BCL2L15: variants seen among roughly 807,000 people sequenced by gnomAD.
The protein encoded by BCL2L15 is bcl-2-like protein 15.
In BCL2L15, 15 loss-of-function variants were observed where a neutral mutation model predicts 18.3. The observed-to-expected ratio is 0.82, with a 90% CI of 0.55 to 1.26. The LOEUF (loss-of-function observed/expected upper bound fraction) is 1.26. Among genes scored for constraint, BCL2L15 ranks in the 50% most tolerant of loss-of-function variants. BCL2L15 has a pLI of 0.00. For synonymous variants in BCL2L15, 58 were observed against 68.5 expected, an observed-to-expected ratio of 0.85 and a Z score of 0.76; for missense variants, 180 against 201.7, an observed-to-expected ratio of 0.89 and a Z score of 0.65.
At chr1:113,882,294 G>A (rs1185326392) in intron 2 of BCL2L15, among the ~76,000 whole-genome samples, 1 of 152,214 alleles carries the variant, frequency 6.6e-6, no homozygotes, top group Non-Finnish European at 1.5e-5. Context: ...GTATGTGATA[G>A]TCCAGCTGGT....
In BCL2L15 at chr1:113,881,954, G is replaced by A. The variant is rs758227438; in HGVS notation, c.293C>T (p.Thr98Ile). Reference protein sequence around the residue: ...LQDTVESLSKTWCAQDSSLAY... With the variant: ...LQDTVESLSKIWCAQDSSLAY... ...TAAGCTGGAATCCTGAGCACACCAG[G>A]TCTTGCTGAGAGATTCCACAGTGTC... The change falls in exon 3 of 4, where the codon ACC becomes ATC. Residue 98 changes from threonine (T) to isoleucine (I), a missense_variant. Physicochemically the swap from Thr to Ile is moderately conservative, Grantham distance 89. Coordinates refer to ENST00000393316, the MANE Select transcript of BCL2L15 (RefSeq NM_001010922.3). 6.2e-7 allele frequency: 1 copy of A among 1,614,080 alleles called. No homozygotes were observed. The highest frequency in any genetic ancestry group is 1.7e-5 in the Admixed American group (1 of 60,030).
chr1:113,887,272 C>T lies in BCL2L15; in HGVS notation c.104G>A (p.Cys35Tyr). 1.2e-6 allele frequency: 2 copies of T among 1,614,134 alleles called. No homozygotes were observed. Among genetic ancestry groups the T allele is most frequent in the Non-Finnish European group, 1.7e-6 (2 of 1,180,000 alleles). Residue 35 changes from cysteine (C) to tyrosine (Y), a missense_variant, in exon 1 of 4, where the codon TGC becomes TAC. Cys to Tyr is a radical substitution (Grantham distance 194, BLOSUM62 -2). Transcript: ENST00000393316. Reference sequence around the variant, plus strand: ...ACCTGAATCTACTTCATCTACACAGCATAGGTTCCGGCTGGCAACCTGCAA... The same window carrying T: ...ACCTGAATCTACTTCATCTACACAGTATAGGTTCCGGCTGGCAACCTGCAA... ...PTLQVASRNL[C>Y]CVDEVDSGEP...
intron 2 of BCL2L15, among the ~76,000 whole-genome samples, chr1:113,882,593 C>T (rs112726731): frequency 4.6e-5 from 7 of 152,006 alleles, no homozygotes; most frequent in Non-Finnish European, 8.8e-5. Context: ...TGAAGTGAGC[C>T]GAGATCACGC....
chr1:113,886,605 C>G lies in BCL2L15; in HGVS notation c.181G>C (p.Gly61Arg). The change falls in exon 2 of 4, where the codon GGT (glycine) becomes CGT (arginine). Residue 61 changes from glycine (G) to arginine (R), a missense_variant. Gly to Arg is a moderately radical substitution (Grantham distance 125). Coordinates refer to ENST00000393316, the MANE Select transcript of BCL2L15 (RefSeq NM_001010922.3). The part of the protein sequence containing the change: ...AIIAGRLRML[G>R]DQFNGELEAS... ...TCCAATTCTCCGTTGAACTGGTCAC[C>G]CAACATCCGAAGGCGACCAGCAATG... 1 of 1,613,832 alleles carries G rather than the reference C, an allele frequency of 6.2e-7. No individual in the cohort carries two copies. Among genetic ancestry groups the G allele is most frequent in the Non-Finnish European group, 8.5e-7 (1 of 1,179,904 alleles).
At chr1:113,881,169 C>G (rs747732832) in intron 3 of BCL2L15, 29 bp from the exon 4 acceptor site, 48 of 1,613,816 alleles carry the variant, frequency 3.0e-5, no homozygotes, top group Non-Finnish European at 3.9e-5. Flanking sequence ...ATCCTACAGT[C>G]AAAGGAATTG....
Position 113,879,221 on chromosome 1 carries a change from T to C in BCL2L15, c.*1902A>G, listed in dbSNP as rs1666801096. 6.6e-6 allele frequency: 1 copy of C among 152,352 alleles called. No individual in the cohort carries two copies. The highest frequency in any genetic ancestry group is 6.5e-5 in the Admixed American group (1 of 15,274). 9.4% of individuals were successfully genotyped at this position (152,352 alleles called of 1,614,324 possible). On this transcript the variant is annotated 3_prime_UTR_variant, in exon 4 of 4. Coordinates refer to ENST00000393316, the MANE Select transcript of BCL2L15 (RefSeq NM_001010922.3). ...TTTACTTCTCTGCATTTAGAGGAGA[T>C]ACATAGATGGCTGGCTGATAGAGGG...
chr1:113,881,742 C>T, intron 3 of BCL2L15, 31 bp downstream of exon 3: 1 of 1,604,854 alleles, frequency 6.2e-7, no homozygotes, highest in East Asian at 2.2e-5. Context: ...GTGCAAATAC[C>T]TAGCAAAACC....
Position 113,884,781 on chromosome 1 carries a change from G to GTT in BCL2L15, c.249+1754_249+1755dup, listed in dbSNP as rs546717433. The stretch of plus-strand genomic sequence containing the variant: ...TCAAATTATTTATTTATTTATTTAT[G>GTT]TTTTTTTTTTGGAGACAGAGTCTTG... On this transcript the variant is annotated intron_variant, in intron 2 of 3. Coordinates refer to ENST00000393316, the MANE Select transcript of BCL2L15 (RefSeq NM_001010922.3). Among the ~76,000 whole-genome samples the GTT allele has an allele frequency of 3.4e-5, 5 of 146,682 alleles. No homozygotes were observed. In the East Asian group the frequency reaches 5.9e-4, roughly 17 times the overall value.
In BCL2L15 at chr1:113,880,392, C is replaced by A. The variant is rs927913569; in HGVS notation, c.*731G>T. On this transcript the variant is annotated 3_prime_UTR_variant, in exon 4 of 4. Coordinates refer to ENST00000393316, the MANE Select transcript of BCL2L15 (RefSeq NM_001010922.3). ...CTGTAATCCCAGCACTTTGGGAGGC[C>A]AAGGCGGGCGAATCACGAGGTCAGG... 1 of 152,176 alleles carries A rather than the reference C, an allele frequency of 6.6e-6. No homozygotes were observed. Among genetic ancestry groups the A allele is most frequent in the Non-Finnish European group, 1.5e-5 (1 of 68,076 alleles). 9.4% of individuals were successfully genotyped at this position (152,176 alleles called of 1,614,324 possible). A position where few individuals can be genotyped will look rare whatever the true frequency, so the allele number is the denominator to read the frequency against.
Position 113,879,353 on chromosome 1 carries a change from T to C in BCL2L15, c.*1770A>G, listed in dbSNP as rs563028020. 11 of 152,484 alleles carry C rather than the reference T, an allele frequency of 7.2e-5. No homozygotes were observed. Among genetic ancestry groups the C allele is most frequent in the African/African-American group, 2.6e-4 (11 of 41,576 alleles). 9.4% of individuals were successfully genotyped at this position (152,484 alleles called of 1,614,324 possible). A position where few individuals can be genotyped will look rare whatever the true frequency, so the allele number is the denominator to read the frequency against. ...GATATTTAGGAAAGTAGTCTGGTTT[T>C]TGGAGTCTCTACCTGATGACTGCCT... On this transcript the variant is annotated 3_prime_UTR_variant, in exon 4 of 4. Coordinates refer to ENST00000393316, the MANE Select transcript of BCL2L15 (RefSeq NM_001010922.3).
chr1:113,883,947 AGGAT>A (rs1666959851), intron 2 of BCL2L15, among the ~76,000 whole-genome samples: 1 of 152,248 alleles, frequency 6.6e-6, no homozygotes, highest in Non-Finnish European at 1.5e-5. Context: ...AGCTAAAACT[AGGAT>A]GATTTGAGCA....
chr1:113,881,899 T>A lies in BCL2L15; in HGVS notation c.348A>T (p.Ser116=). The A allele has an allele frequency of 2.5e-6, 4 of 1,614,224 alleles. No individual in the cohort carries two copies. The highest frequency in any genetic ancestry group is 3.4e-6 in the Non-Finnish European group (4 of 1,180,030). The change falls in exon 3 of 4, where the codon TCA becomes TCT. Residue 116 remains serine, a synonymous_variant. Coordinates refer to ENST00000393316, the MANE Select transcript of BCL2L15 (RefSeq NM_001010922.3). ...GAGCCATGTACTCAAGAAGTTTCACTGACACTGCCAGAAAAGCTCTCTCAT... is the reference window on the plus strand; with the variant it reads ...GAGCCATGTACTCAAGAAGTTTCACAGACACTGCCAGAAAAGCTCTCTCAT... The part of the protein sequence containing the change: ...LAYERAFLAV[S]VKLLEYMAHI...
intron 2 of BCL2L15, among the ~76,000 whole-genome samples, chr1:113,885,444 C>CA (rs1666997695): frequency 6.6e-6 from 1 of 151,746 alleles, no homozygotes; most frequent in African/African-American, 2.4e-5. Context: ...TTTTTTGAGA[C>CA]AGAGTCTTGC....
chr1:113,883,607 C>G (rs2102250809), intron 2 of BCL2L15, among the ~76,000 whole-genome samples: 1 of 147,824 alleles, frequency 6.8e-6, no homozygotes, highest in South Asian at 2.1e-4. Context: ...AACCCCGTCT[C>G]TACTAAAATA....
Position 113,881,901 on chromosome 1 carries a change from A to T in BCL2L15, c.346T>A (p.Ser116Thr), listed in dbSNP as rs1666889339. 1 of 1,614,100 alleles carries T rather than the reference A, an allele frequency of 6.2e-7. No homozygotes were observed. The highest frequency in any genetic ancestry group is 8.5e-7 in the Non-Finnish European group (1 of 1,180,034). The stretch of plus-strand genomic sequence containing the variant: ...GCCATGTACTCAAGAAGTTTCACTG[A>T]CACTGCCAGAAAAGCTCTCTCATAA... Reference protein sequence around the residue: ...LAYERAFLAVSVKLLEYMAHI... With the variant: ...LAYERAFLAVTVKLLEYMAHI... Residue 116 changes from serine to threonine, a missense_variant, in exon 3 of 4, where the codon TCA becomes ACA. By Grantham distance (58) the Ser-to-Thr change is moderately conservative (BLOSUM62 1). Coordinates refer to ENST00000393316, the MANE Select transcript of BCL2L15 (RefSeq NM_001010922.3).
chr1:113,881,796 A>G lies in BCL2L15; in HGVS notation c.451T>C (p.Phe151Leu). 6.2e-7 allele frequency: 1 copy of G among 1,614,068 alleles called. No individual in the cohort carries two copies. ...ACCCAACCTCCCTGGCCCTGGATGAACTCCCGGATGGCTTGGTTCCCATTG... is the reference window on the plus strand; with the variant it reads ...ACCCAACCTCCCTGGCCCTGGATGAGCTCCCGGATGGCTTGGTTCCCATTG... Reference protein sequence around the residue: ...MINGNQAIREFIQGQGGWENL... With the variant: ...MINGNQAIRELIQGQGGWENL... Residue 151 changes from phenylalanine to leucine, a missense_variant, in exon 3 of 4, where the codon TTC (phenylalanine) becomes CTC (leucine). Physicochemically the swap from Phe to Leu is conservative, Grantham distance 22. Transcript: ENST00000393316.
chr1:113,881,152 A>G lies in BCL2L15; in HGVS notation c.475-12T>C. 6.2e-7 allele frequency: 1 copy of G among 1,614,150 alleles called. No homozygotes were observed. The highest frequency in any genetic ancestry group is 1.6e-4 in the Middle Eastern group (1 of 6,062). ...CTCTCCAGATTTTCCTAGGGAAGAC[A>G]GAGAAAATCCTACAGTCAAAGGAAT... On this transcript the variant is annotated splice_polypyrimidine_tract_variant and intron_variant, in intron 3 of 3. Transcript: ENST00000393316.
rs1667074964 is a variant in BCL2L15 at position 113,887,479 on chromosome 1, G to A, written c.-104C>T. ...AAATCAACAAATGTTTCTACCTCTTGTAGTTTCCTGACATGTAATCCTGGA... is the reference window on the plus strand; with the variant it reads ...AAATCAACAAATGTTTCTACCTCTTATAGTTTCCTGACATGTAATCCTGGA... On this transcript the variant is annotated 5_prime_UTR_variant, in exon 1 of 4. Coordinates refer to ENST00000393316, the MANE Select transcript of BCL2L15 (RefSeq NM_001010922.3). 1.4e-5 allele frequency: 21 copies of A among 1,491,968 alleles called. No homozygotes were observed. The highest frequency in any genetic ancestry group is 1.6e-5 in the Non-Finnish European group (17 of 1,089,544). 92.4% of individuals were successfully genotyped at this position (1,491,968 alleles called of 1,614,324 possible). A position where few individuals can be genotyped will look rare whatever the true frequency, so the allele number is the denominator to read the frequency against.
At chr1:113,885,695 G>A (rs1177296874) in intron 2 of BCL2L15, among the ~76,000 whole-genome samples, 1 of 152,180 alleles carries the variant, frequency 6.6e-6, no homozygotes. Flanking sequence ...TTTAGGTAGA[G>A]ACGGGGTTTC....
Sources: allele counts gnomAD v4.1 joint callset (sites outside exome capture counted in the v4.1 genomes callset), GRCh38; gene constraint gnomAD v4.1.1; transcripts MANE v1.5; gene names NCBI Gene and HGNC (gene_info 2026-07-23, HGNC 2026-07-21).